DDX10: variants seen among roughly 807,000 people sequenced by gnomAD.
DDX10 encodes the protein probable ATP-dependent RNA helicase DDX10.
DDX10 carries 74 observed loss-of-function variants against 104.3 expected under a neutral mutation model. The ratio of observed to expected loss-of-function variants is 0.71; its 90% CI spans 0.59 to 0.86. The LOEUF (loss-of-function observed/expected upper bound fraction) is 0.86. Ranked by LOEUF, DDX10 falls within the 40% of genes least tolerant of loss-of-function variation. DDX10 has a pLI of 0.00. For missense variants in DDX10, 952 were observed against 1,040.0 expected (o/e 0.92, Z 1.16); for synonymous variants, 351 against 353.4 (o/e 0.99, Z 0.08).
At chr11:108,670,129 G>A (rs1187261119) in intron 1 of DDX10, among the ~76,000 whole-genome samples, 3 of 152,160 alleles carry the variant, frequency 2.0e-5, no homozygotes, top group Non-Finnish European at 2.9e-5. Flanking sequence ...AGTATGTGGC[G>A]GGACTCTGTA....
At chr11:108,742,680 C>G (rs751288321) in intron 13 of DDX10, among the ~76,000 whole-genome samples, 5 of 152,048 alleles carry the variant, frequency 3.3e-5, no homozygotes, top group Non-Finnish European at 7.4e-5. Flanking sequence ...AGAGAAGATA[C>G]AAATAAACAC....
At chr11:108,895,259 A>AT (rs371241313) in intron 16 of DDX10, among the ~76,000 whole-genome samples, 2,645 of 146,786 alleles carry the variant, frequency 0.018, 52 homozygotes, top group African/African-American at 0.053. Flanking sequence ...TGAATAAGTG[A>AT]TTTTTTTTTT....
intron 13 of DDX10, among the ~76,000 whole-genome samples, chr11:108,802,936 A>G (rs1195972896): frequency 1.3e-5 from 2 of 152,220 alleles, no homozygotes; most frequent in Non-Finnish European, 2.9e-5. Context: ...CAAGCAATCT[A>G]TAAAACTAAA....
chr11:108,701,590 A>T (rs1400265112), intron 9 of DDX10, among the ~76,000 whole-genome samples: 3 of 150,984 alleles, frequency 2.0e-5, no homozygotes, highest in Non-Finnish European at 4.4e-5. Context: ...ATCTAAAGTT[A>T]TACAGCTAAT....
chr11:108,893,869 G>A (rs773149256), intron 16 of DDX10, among the ~76,000 whole-genome samples: 15 of 152,076 alleles, frequency 9.9e-5, no homozygotes, highest in Admixed American at 3.3e-4. Flanking sequence ...TCATGCAAAT[G>A]TATGCAGTGG....
intron 8 of DDX10, 138 bp from the exon 9 acceptor site, chr11:108,693,378 A>G: frequency 1.4e-6 from 1 of 740,458 alleles, no homozygotes; most frequent in East Asian, 2.4e-5. Flanking sequence ...AATTAATTTT[A>G]TTTTTAATAG....
intron 15 of DDX10, among the ~76,000 whole-genome samples, chr11:108,847,266 C>T (rs1374929102): frequency 6.6e-6 from 1 of 152,072 alleles, no homozygotes; most frequent in Admixed American, 6.5e-5. Flanking sequence ...AAAGATAGGC[C>T]ATGGATCCTA....
At chr11:108,826,806 A>T (rs906262391) in intron 13 of DDX10, among the ~76,000 whole-genome samples, 4 of 152,158 alleles carry the variant, frequency 2.6e-5, no homozygotes, top group Non-Finnish European at 4.4e-5. Flanking sequence ...CTGAAGCTCT[A>T]ATTCATTGGC....
chr11:108,863,875 T>G (rs1862972512), intron 16 of DDX10, among the ~76,000 whole-genome samples: 1 of 152,186 alleles, frequency 6.6e-6, no homozygotes, highest in African/African-American at 2.4e-5. Flanking sequence ...TAGATCAGAT[T>G]TTGGGCTTCA....
At chr11:108,847,564 T>C (rs1475554800) in intron 15 of DDX10, among the ~76,000 whole-genome samples, 1 of 152,178 alleles carries the variant, frequency 6.6e-6, no homozygotes, top group Non-Finnish European at 1.5e-5. Context: ...GCATGAACAT[T>C]AGAAAGTTAA....
chr11:108,684,176 C>CTTTTTTTTTTTTTTTATTTTTT (rs55949043), intron 6 of DDX10, among the ~76,000 whole-genome samples: 2 of 26,672 alleles, frequency 7.5e-5, no homozygotes, highest in African/African-American at 1.7e-4. Flanking sequence ...TATAGATTTT[C>CTTTTTTTTTTTTTTTATTTTTT]TTTTTTTTTT....
At chr11:108,682,403 C>T (rs2094236698) in intron 6 of DDX10, among the ~76,000 whole-genome samples, 1 of 152,206 alleles carries the variant, frequency 6.6e-6, no homozygotes, top group Admixed American at 6.5e-5. Flanking sequence ...TTGTGCCTGG[C>T]CAACTTTAAG....
chr11:108,929,929 C>T (rs1296356473), intron 17 of DDX10, among the ~76,000 whole-genome samples: 4 of 152,150 alleles, frequency 2.6e-5, no homozygotes, highest in Non-Finnish European at 5.9e-5. Context: ...TTCACTACCT[C>T]TCCAATTTCC....
rs566837584 is a variant in DDX10, at chr11:108,825,685, T to G, written c.1966-12761T>G. 7.2e-5 allele frequency among the ~76,000 whole-genome samples: 11 copies of G among 152,352 alleles called. No individual in the cohort carries two copies. In the South Asian group the frequency reaches 2.3e-3, roughly 32 times the overall value. ...GTTATTTCATAGTAAATAGTTGTCATTGTTGCTCAATATATCATTGTATTC... is the reference window on the plus strand; with the variant it reads ...GTTATTTCATAGTAAATAGTTGTCAGTGTTGCTCAATATATCATTGTATTC... On this transcript the variant is annotated intron_variant, in intron 13 of 17. Transcript: ENST00000322536.
At chr11:108,687,759 C>T (rs1000472580) in intron 6 of DDX10, among the ~76,000 whole-genome samples, 1 of 152,164 alleles carries the variant, frequency 6.6e-6, no homozygotes, top group Non-Finnish European at 1.5e-5. Context: ...GTGTGTTTCA[C>T]AGATCAGAAA....
chr11:108,773,068 C>T (rs1323852556), intron 13 of DDX10, among the ~76,000 whole-genome samples: 1 of 152,214 alleles, frequency 6.6e-6, no homozygotes, highest in African/African-American at 2.4e-5. Flanking sequence ...TTCTTTGAGA[C>T]TCTGGAGTAC....
chr11:108,838,798 G>A (rs886926051), intron 14 of DDX10, among the ~76,000 whole-genome samples: 1 of 152,144 alleles, frequency 6.6e-6, no homozygotes, highest in African/African-American at 2.4e-5. Flanking sequence ...AGTTGGTTTT[G>A]AACTTTCTAG....
intron 13 of DDX10, among the ~76,000 whole-genome samples, chr11:108,806,109 C>T (rs1862096297): frequency 1.3e-5 from 2 of 152,004 alleles, no homozygotes; most frequent in South Asian, 4.2e-4. Flanking sequence ...TTACAGGCGT[C>T]CACCACCACG....
At chr11:108,890,029 A>T (rs1863354756) in intron 16 of DDX10, among the ~76,000 whole-genome samples, 1 of 152,200 alleles carries the variant, frequency 6.6e-6, no homozygotes, top group African/African-American at 2.4e-5. Flanking sequence ...TTGATATAGG[A>T]CCAGATAATA....
Sources: allele counts gnomAD v4.1 joint callset (sites outside exome capture counted in the v4.1 genomes callset), GRCh38; gene constraint gnomAD v4.1.1; transcripts MANE v1.5; gene names NCBI Gene and HGNC (gene_info 2026-07-23, HGNC 2026-07-21).